Variants in NTM observed in about 807,000 individuals in gnomAD.
The protein encoded by NTM is IgLON family member 2.
Under a neutral mutation model 42.1 loss-of-function variants are expected in NTM, and 13 were observed. The observed-to-expected ratio is 0.31, with a 90% CI of 0.20 to 0.49. The LOEUF (loss-of-function observed/expected upper bound fraction) is 0.49, where lower values mean the gene tolerates loss of function less well. Among genes scored for constraint, NTM ranks in the 20% least tolerant of loss-of-function variants. The pLI is 0.99. For synonymous variants in NTM, 187 were observed against 179.2 expected (o/e 1.04, Z -0.35); for missense variants, 373 against 452.8 (o/e 0.82, Z 1.60).
chr11:131,718,240 A>G (rs929652608), intron 1 of NTM, among the ~76,000 whole-genome samples: 1 of 152,160 alleles, frequency 6.6e-6, no homozygotes, highest in African/African-American at 2.4e-5. Flanking sequence ...ATTGGGAATT[A>G]TTCCTTCCTC....
intron 1 of NTM, among the ~76,000 whole-genome samples, chr11:131,373,958 G>A (rs1243060090): frequency 1.3e-5 from 2 of 152,100 alleles, no homozygotes; most frequent in Non-Finnish European, 2.9e-5. Flanking sequence ...GTTCGGCTGG[G>A]CAGGCCGGCC....
chr11:132,016,085 C>T (rs2073350074), intron 2 of NTM, among the ~76,000 whole-genome samples: 1 of 150,118 alleles, frequency 6.7e-6, no homozygotes, highest in South Asian at 2.1e-4. Flanking sequence ...TGTTTCTTCT[C>T]TGCCTGTTGT....
chr11:132,134,713 A>ATC (rs2067469483), intron 2 of NTM, among the ~76,000 whole-genome samples: 4 of 25,122 alleles, frequency 1.6e-4, no homozygotes, highest in African/African-American at 1.5e-3. Context: ...TGGTATATAT[A>ATC]TATATATATA....
intron 2 of NTM, among the ~76,000 whole-genome samples, chr11:131,948,321 C>T (rs1431075251): frequency 6.6e-6 from 1 of 151,084 alleles, no homozygotes; most frequent in African/African-American, 2.4e-5. Flanking sequence ...GCCGAGATCA[C>T]GCCACTGCAC....
At chr11:131,563,003 A>T (rs2056428825) in intron 1 of NTM, among the ~76,000 whole-genome samples, 1 of 152,190 alleles carries the variant, frequency 6.6e-6, no homozygotes, top group Non-Finnish European at 1.5e-5. Context: ...GACTCTGGGC[A>T]TGGGGCAGGC....
chr11:131,999,349 G>A (rs1251751233), intron 2 of NTM, among the ~76,000 whole-genome samples: 4 of 152,186 alleles, frequency 2.6e-5, no homozygotes, highest in African/African-American at 7.2e-5. Flanking sequence ...AATTCAAGCA[G>A]CACGAGGTAT....
chr11:132,140,699 C>G (rs985536934), intron 2 of NTM, among the ~76,000 whole-genome samples: 2 of 152,132 alleles, frequency 1.3e-5, no homozygotes, highest in African/African-American at 4.8e-5. Context: ...TTGTTAATTT[C>G]TTAGTTTCCC....
At position 132,145,896 on chromosome 11, in the gene NTM, T is replaced by C. The variant is rs189649092; in HGVS notation, c.168-386T>C. 1.1e-4 allele frequency among the ~76,000 whole-genome samples: 16 copies of C among 152,364 alleles called. No homozygotes were observed. The East Asian group carries it at 2.5e-3, about 24-fold the overall frequency. Reference sequence around the variant, plus strand: ...ATTCTTCATAGGGTTATTATAAGTATTGAATGACTTAGTGCACCCTAAACA... The same window carrying C: ...ATTCTTCATAGGGTTATTATAAGTACTGAATGACTTAGTGCACCCTAAACA... On this transcript the variant is annotated intron_variant, in intron 2 of 8. Coordinates refer to ENST00000683400, the MANE Select transcript of NTM (RefSeq NM_001352005.2).
intron 1 of NTM, among the ~76,000 whole-genome samples, chr11:131,376,410 A>G (rs1358485689): frequency 6.6e-6 from 1 of 152,106 alleles, no homozygotes; most frequent in Admixed American, 6.6e-5. Flanking sequence ...TAAAATCATG[A>G]CAGGAGATCA....
intron 1 of NTM, among the ~76,000 whole-genome samples, chr11:131,860,522 C>A (rs1317240164): frequency 6.6e-6 from 1 of 152,152 alleles, no homozygotes; most frequent in Non-Finnish European, 1.5e-5. Context: ...ATATCGTCAC[C>A]CTCTCCCTAG....
At chr11:131,689,140 G>A (rs757782376) in intron 1 of NTM, among the ~76,000 whole-genome samples, 7 of 152,230 alleles carry the variant, frequency 4.6e-5, no homozygotes, top group South Asian at 2.1e-4. Context: ...CTCCCTACCC[G>A]GAGCTCTGCT....
chr11:131,526,898 A>G (rs566318315), intron 1 of NTM, among the ~76,000 whole-genome samples: 21 of 152,382 alleles, frequency 1.4e-4, no homozygotes, highest in African/African-American at 4.6e-4. Context: ...TCCATACACA[A>G]ATGGAAAGAC....
rs2135311884 is a variant in NTM, at chr11:132,002,773, C to G, written c.167+91125C>G. Among the ~76,000 whole-genome samples, 1 of 152,220 alleles carries G rather than the reference C, an allele frequency of 6.6e-6. No individual in the cohort carries two copies. The highest frequency in any genetic ancestry group is 1.9e-4 in the East Asian group (1 of 5,182). ...CTTACTCTGTCTCTTTATCAATAAA[C>G]TCATTGGGAAAAGTGGAGGAAATCA... On this transcript the variant is annotated intron_variant, in intron 2 of 8. Coordinates refer to ENST00000683400, the MANE Select transcript of NTM (RefSeq NM_001352005.2). This position sits in a 1 kb window ranked among gnomAD's most constrained non-coding sequence, Gnocchi z 4.5.
intron 2 of NTM, among the ~76,000 whole-genome samples, chr11:132,056,363 A>G (rs1380558771): frequency 6.6e-6 from 1 of 152,248 alleles, no homozygotes; most frequent in Non-Finnish European, 1.5e-5. Flanking sequence ...GTATACATTG[A>G]TAAATTTTCA....
At chr11:131,837,513 T>C (rs2043657655) in intron 1 of NTM, among the ~76,000 whole-genome samples, 1 of 152,168 alleles carries the variant, frequency 6.6e-6, no homozygotes, top group Non-Finnish European at 1.5e-5. Flanking sequence ...TGGGTCCTCA[T>C]TGAGAACCCC....
chr11:131,960,325 G>A (rs539885235), intron 2 of NTM, among the ~76,000 whole-genome samples: 1 of 152,296 alleles, frequency 6.6e-6, no homozygotes, highest in African/African-American at 2.4e-5. Context: ...TGATCGTTAG[G>A]ACTTAGGGGC....
At chr11:131,854,775 TA>T (rs1280207319) in intron 1 of NTM, among the ~76,000 whole-genome samples, 3 of 152,158 alleles carry the variant, frequency 2.0e-5, no homozygotes, top group Non-Finnish European at 4.4e-5. Context: ...CTTTTGAAAT[TA>T]AAAGGGGCAC....
At chr11:131,781,208 AATTT>A (rs1272243701) in intron 1 of NTM, among the ~76,000 whole-genome samples, 1 of 152,134 alleles carries the variant, frequency 6.6e-6, no homozygotes, top group African/African-American at 2.4e-5. Flanking sequence ...AGCACTCTAA[AATTT>A]AATCAGCAAT....
rs180934137 is a variant in NTM, at chr11:131,961,852, G to T, written c.167+50204G>T. Among the ~76,000 whole-genome samples the T allele has an allele frequency of 3.3e-5, 5 of 152,188 alleles. No individual in the cohort carries two copies. The East Asian group carries it at 7.8e-4, about 24-fold the overall frequency. ...TGTCAGGAGTCACCAAGTGTGAAAT[G>T]CAGTGGTAGTCCCTGCATTCGAAAC... is the stretch of plus-strand genomic sequence containing the variant. On this transcript the variant is annotated intron_variant, in intron 2 of 8. Coordinates refer to ENST00000683400, the MANE Select transcript of NTM (RefSeq NM_001352005.2).
Sources: allele counts gnomAD v4.1 joint callset (sites outside exome capture counted in the v4.1 genomes callset), GRCh38; gene constraint gnomAD v4.1.1; non-coding constraint Gnocchi (gnomAD v3.1); transcripts MANE v1.5; gene names NCBI Gene and HGNC (gene_info 2026-07-23, HGNC 2026-07-21).